TRERF1: variants seen among roughly 807,000 people sequenced by gnomAD.
The protein encoded by TRERF1 is transcriptional regulating factor 1.
TRERF1 carries 27 observed loss-of-function variants against 122.9 expected under a neutral mutation model. The ratio of observed to expected loss-of-function variants is 0.22; its 90% confidence interval spans 0.16 to 0.30. The LOEUF (loss-of-function observed/expected upper bound fraction) is 0.30. TRERF1 is among the 10% of genes least tolerant of loss of function. TRERF1 has a pLI of 1.00. For synonymous variants in TRERF1, 636 were observed against 641.7 expected, an observed-to-expected ratio of 0.99 and a Z score of 0.13; for missense variants, 1,248 against 1,560.3, an observed-to-expected ratio of 0.80 and a Z score of 3.37.
At chr6:42,414,721 AT>A (rs1781587219) in intron 2 of TRERF1, among the ~76,000 whole-genome samples, 1 of 152,224 alleles carries the variant, frequency 6.6e-6, no homozygotes, top group East Asian at 1.9e-4. Flanking sequence ...GCACTCCGTT[AT>A]CTTCTATTCT....
At chr6:42,266,910 T>A (rs1023891545) in intron 5 of TRERF1, among the ~76,000 whole-genome samples, 1 of 152,220 alleles carries the variant, frequency 6.6e-6, no homozygotes, top group African/African-American at 2.4e-5. Context: ...TCACCACCAC[T>A]GCCTAATGTC....
intron 2 of TRERF1, among the ~76,000 whole-genome samples, chr6:42,438,504 G>A (rs1461521665): frequency 6.6e-6 from 1 of 151,554 alleles, no homozygotes; most frequent in Non-Finnish European, 1.5e-5. Flanking sequence ...CAGCTACTTG[G>A]GAGGCTGAGG....
intron 2 of TRERF1, among the ~76,000 whole-genome samples, chr6:42,370,945 C>T (rs1773651374): frequency 6.6e-6 from 1 of 152,170 alleles, no homozygotes; most frequent in African/African-American, 2.4e-5. Flanking sequence ...CCAGGCTATG[C>T]TCCCCAAGGC....
chr6:42,310,055 A>G (rs1787973988), intron 3 of TRERF1, among the ~76,000 whole-genome samples: 1 of 151,208 alleles, frequency 6.6e-6, no homozygotes, highest in Non-Finnish European at 1.5e-5. Flanking sequence ...AAGCCCCCGC[A>G]CCCAGCCTAA....
intron 2 of TRERF1, among the ~76,000 whole-genome samples, chr6:42,378,699 G>A (rs940629547): frequency 1.3e-5 from 2 of 152,190 alleles, no homozygotes; most frequent in Non-Finnish European, 1.5e-5. Flanking sequence ...TATACATGAG[G>A]AAGCTGAGGC....
intron 2 of TRERF1, among the ~76,000 whole-genome samples, chr6:42,398,488 C>T (rs185240446): frequency 1.6e-3 from 243 of 152,264 alleles, no homozygotes; most frequent in African/African-American, 5.6e-3. Flanking sequence ...CTTTGCATCT[C>T]TCAACAAAAA....
chr6:42,236,568 G>T (rs532538026), intron 15 of TRERF1, among the ~76,000 whole-genome samples, 157 bp from the exon 16 acceptor site: 1 of 152,168 alleles, frequency 6.6e-6, no homozygotes, highest in Non-Finnish European at 1.5e-5. Flanking sequence ...CCTGTTAGGC[G>T]TGATCCTCAA....
intron 2 of TRERF1, among the ~76,000 whole-genome samples, chr6:42,371,140 CAAGAACAGA>C (rs941194418): frequency 5.3e-5 from 8 of 152,122 alleles, no homozygotes; most frequent in African/African-American, 1.9e-4. Context: ...CTCTAGGCAG[CAAGAACAGA>C]ACTGAGAGTT....
intron 2 of TRERF1, among the ~76,000 whole-genome samples, chr6:42,445,389 C>G (rs1338075921): frequency 6.7e-6 from 1 of 149,428 alleles, no homozygotes; most frequent in Non-Finnish European, 1.5e-5. Context: ...CACACACACA[C>G]AGCACACACC....
At chr6:42,325,476 T>G (rs1257214671) in intron 3 of TRERF1, among the ~76,000 whole-genome samples, 2 of 152,188 alleles carry the variant, frequency 1.3e-5, no homozygotes, top group East Asian at 3.8e-4. Flanking sequence ...TGCAGCATTC[T>G]TCATAATAGC....
At chr6:42,236,881 G>A (rs534894121) in intron 15 of TRERF1, among the ~76,000 whole-genome samples, 1 of 152,312 alleles carries the variant, frequency 6.6e-6, no homozygotes, top group African/African-American at 2.4e-5. Flanking sequence ...TTGTTTTAGA[G>A]GCTTTATAAC....
exon 12 of TRERF1, chr6:42,256,774 G>T: frequency 6.2e-7 from 1 of 1,614,216 alleles, no homozygotes; most frequent in Non-Finnish European, 8.5e-7. Flanking sequence ...AGCAAATTCA[G>T]AATTGGTCCC....
chr6:42,317,317 C>T (rs2150406574), intron 3 of TRERF1, among the ~76,000 whole-genome samples: 1 of 152,082 alleles, frequency 6.6e-6, no homozygotes, highest in East Asian at 1.9e-4. Context: ...TAATTATACC[C>T]TCACTCAGCA....
intron 3 of TRERF1, among the ~76,000 whole-genome samples, chr6:42,335,829 AT>A (rs558234475): frequency 2.2e-3 from 337 of 152,196 alleles, no homozygotes; most frequent in Non-Finnish European, 3.6e-3. Flanking sequence ...CCTCTACTCC[AT>A]CTTCCTGTTG....
intron 4 of TRERF1, among the ~76,000 whole-genome samples, chr6:42,288,563 C>T (rs934810495): frequency 3.4e-5 from 4 of 117,104 alleles, no homozygotes; most frequent in Non-Finnish European, 6.6e-5. Flanking sequence ...AGCGAAACTC[C>T]ATCTCAAAAC....
intron 3 of TRERF1, among the ~76,000 whole-genome samples, chr6:42,315,444 C>T (rs987585376): frequency 1.3e-5 from 2 of 152,122 alleles, no homozygotes; most frequent in Admixed American, 6.5e-5. Flanking sequence ...GATCCTTACA[C>T]GTGGCACATC....
intron 15 of TRERF1, among the ~76,000 whole-genome samples, chr6:42,241,497 C>T (rs1358008250): frequency 1.3e-5 from 2 of 151,544 alleles, no homozygotes; most frequent in African/African-American, 4.9e-5. Context: ...GTTTTGCTCT[C>T]GTTGCCCAAG....
intron 2 of TRERF1, among the ~76,000 whole-genome samples, chr6:42,404,169 C>T (rs1779843983): frequency 6.6e-6 from 1 of 152,122 alleles, no homozygotes; most frequent in Non-Finnish European, 1.5e-5. Flanking sequence ...TGAGCAGATG[C>T]CTCTAACTGT....
At chr6:42,414,447 G>A (rs573897983) in intron 2 of TRERF1, among the ~76,000 whole-genome samples, 34 of 152,040 alleles carry the variant, frequency 2.2e-4, no homozygotes, top group Non-Finnish European at 3.4e-4. Context: ...CGTTTTGTGC[G>A]TTTTCTTTTT....
Sources: gnomAD v4.1 joint callset for allele counts (sites outside exome capture counted in the v4.1 genomes callset) on GRCh38, gnomAD v4.1.1 for gene constraint, MANE v1.5 for transcripts, NCBI Gene and HGNC (gene_info 2026-07-23, HGNC 2026-07-21) for gene names.